LRCH2: variants seen among roughly 807,000 people sequenced by gnomAD.
LRCH2 encodes the protein leucine rich repeats and calponin homology domain containing 2, also known as leucine-rich repeat and calponin homology domain-containing protein 2.
A neutral mutation model predicts 68.9 loss-of-function variants in LRCH2; 38 were observed. The observed-to-expected ratio is 0.55, with a 90% CI of 0.43 to 0.72. The LOEUF (loss-of-function observed/expected upper bound fraction) is 0.72, where lower values mean the gene tolerates loss of function less well. Ranked by LOEUF, LRCH2 falls within the 30% of genes least tolerant of loss-of-function variation. The pLI, the probability that LRCH2 is intolerant of heterozygous loss-of-function variation, is 0.00. For missense variants in LRCH2, 528 were observed against 572.9 expected, an observed-to-expected ratio of 0.92 and a Z score of 0.80; for synonymous variants, 191 against 208.1, an observed-to-expected ratio of 0.92 and a Z score of 0.71.
intron 14 of LRCH2, 85 bp downstream of exon 14, chrX:115,149,742 C>G: frequency 1.9e-6 from 1 of 527,349 alleles, no homozygotes; most frequent in Non-Finnish European, 3.0e-6. Flanking sequence ...TAGAGAGTTA[C>G]AGTCTACCTT....
At chrX:115,168,305 C>A (rs782427614) in intron 6 of LRCH2, among the ~76,000 whole-genome samples, 1 of 111,549 alleles carries the variant, frequency 9.0e-6, no homozygotes, top group South Asian at 3.8e-4. Context: ...TCAATACAGG[C>A]TGTGAGTGAG....
Position 115,165,515 on chromosome X carries a change from T to C in LRCH2, c.1296+43A>G, listed in dbSNP as rs781866690. 20 of 1,078,651 alleles carry C rather than the reference T, an allele frequency of 1.9e-5. 1 individual carries two copies. In the Middle Eastern group the frequency reaches 1.1e-3, roughly 57 times the overall value. The allele number at this position is 1,078,651 out of a possible 1,213,427, so 88.9% of individuals were successfully genotyped here. A position where few individuals can be genotyped will look rare whatever the true frequency, so the allele number is the denominator to read the frequency against. On this transcript the variant is annotated intron_variant, in intron 9 of 20. Transcript: ENST00000317135. ...AATTGTATAGTCCACTTTTATAAGA[T>C]CAAGAGAACATGTTATTAATATTTG...
At chrX:115,231,770 T>C (rs1489793603) in intron 1 of LRCH2, among the ~76,000 whole-genome samples, 1 of 112,056 alleles carries the variant, frequency 8.9e-6, no homozygotes, top group Non-Finnish European at 1.9e-5. Context: ...AGGGGATATA[T>C]AATAAGAAGA....
intron 3 of LRCH2, among the ~76,000 whole-genome samples, chrX:115,183,443 C>T (rs1468962420): frequency 9.0e-6 from 1 of 111,453 alleles, no homozygotes; most frequent in Non-Finnish European, 1.9e-5. Flanking sequence ...ACCTGTAATG[C>T]CAGCACTTTG....
chrX:115,131,190 T>C (rs1198891595), intron 14 of LRCH2, among the ~76,000 whole-genome samples: 1 of 110,293 alleles, frequency 9.1e-6, no homozygotes, highest in Non-Finnish European at 1.9e-5. Flanking sequence ...ATGTGCCATG[T>C]TGGTGTGCTG....
intron 16 of LRCH2, among the ~76,000 whole-genome samples, chrX:115,125,631 A>G (rs782416011): frequency 9.2e-5 from 8 of 87,169 alleles, no homozygotes; most frequent in Admixed American, 1.4e-4. Flanking sequence ...ATATATATAC[A>G]TATATATACA....
intron 11 of LRCH2, among the ~76,000 whole-genome samples, chrX:115,157,025 G>A (rs1343792505): frequency 9.0e-6 from 1 of 111,375 alleles, no homozygotes; most frequent in Non-Finnish European, 1.9e-5. Flanking sequence ...TATGAGGTAT[G>A]TTTATGTAAT....
intron 14 of LRCH2, among the ~76,000 whole-genome samples, chrX:115,143,380 G>A (rs1364653074): frequency 1.8e-5 from 2 of 111,186 alleles, no homozygotes; most frequent in African/African-American, 6.5e-5. Context: ...GGAAACTCTA[G>A]AGGAGATGGA....
intron 1 of LRCH2, among the ~76,000 whole-genome samples, chrX:115,213,090 C>T (rs2073019371): frequency 1.8e-5 from 2 of 110,997 alleles, no homozygotes; most frequent in Non-Finnish European, 3.8e-5. Context: ...TGAGCCACTG[C>T]GTCCAGTCTG....
intron 14 of LRCH2, among the ~76,000 whole-genome samples, chrX:115,142,617 C>T (rs1221933493): frequency 1.8e-5 from 2 of 111,953 alleles, no homozygotes; most frequent in Non-Finnish European, 3.8e-5. Flanking sequence ...CGAAAAATTT[C>T]TTGAAACAAA....
intron 1 of LRCH2, among the ~76,000 whole-genome samples, chrX:115,208,822 C>A (rs2072987253): frequency 8.9e-6 from 1 of 111,901 alleles, no homozygotes; most frequent in Non-Finnish European, 1.9e-5. Context: ...TTACCATAGT[C>A]TCTCCTTTTA....
At chrX:115,175,247 C>T (rs782767107) in intron 5 of LRCH2, among the ~76,000 whole-genome samples, 5 of 111,193 alleles carry the variant, frequency 4.5e-5, no homozygotes, top group African/African-American at 1.6e-4. Flanking sequence ...TGTCTCTCAC[C>T]TCCTCATTCT....
At chrX:115,192,456 C>T (rs1274952455) in intron 1 of LRCH2, 4 of 1,168,876 alleles carry the variant, frequency 3.4e-6, no homozygotes, top group Admixed American at 2.6e-5. Flanking sequence ...GCAACAGTTA[C>T]GGCCGGAGCG....
At chrX:115,192,216 CG>C (rs1556560994) in intron 1 of LRCH2, 1 of 1,162,724 alleles carries the variant, frequency 8.6e-7, no homozygotes, top group African/African-American at 1.8e-5. Context: ...ATGCCTACGG[CG>C]GGGGCCGCGG....
intron 1 of LRCH2, among the ~76,000 whole-genome samples, chrX:115,233,441 T>G (rs1322232313): frequency 1.8e-5 from 2 of 111,706 alleles, no homozygotes; most frequent in Non-Finnish European, 3.8e-5. Flanking sequence ...TGGGGAAACT[T>G]GCTTTAACAA....
chrX:115,140,673 G>A (rs1603033801), intron 14 of LRCH2, among the ~76,000 whole-genome samples: 1 of 111,109 alleles, frequency 9.0e-6, no homozygotes, highest in Non-Finnish European at 1.9e-5. Flanking sequence ...GAGCCCTTGG[G>A]CTTTAACAGA....
At chrX:115,188,557 G>A (rs992974830) in intron 1 of LRCH2, among the ~76,000 whole-genome samples, 187 bp from the exon 2 acceptor site, 3 of 112,228 alleles carry the variant, frequency 2.7e-5, no homozygotes, top group Non-Finnish European at 5.6e-5. Flanking sequence ...ACGGCTGGGC[G>A]CGGTGGCTCA....
chrX:115,132,739 G>A (rs1453766821), intron 14 of LRCH2, among the ~76,000 whole-genome samples: 1 of 111,474 alleles, frequency 9.0e-6, no homozygotes, highest in Non-Finnish European at 1.9e-5. Context: ...AAATTGGCAC[G>A]TGTGAAAAAA....
At chrX:115,149,062 T>C (rs1393976956) in intron 14 of LRCH2, among the ~76,000 whole-genome samples, 3 of 111,679 alleles carry the variant, frequency 2.7e-5, no homozygotes, top group Non-Finnish European at 5.7e-5. Context: ...TATCATCTAA[T>C]AATAATTAGG....
Sources: gnomAD v4.1 joint callset for allele counts (sites outside exome capture counted in the v4.1 genomes callset) on GRCh38, gnomAD v4.1.1 for gene constraint, MANE v1.5 for transcripts, NCBI Gene and HGNC (gene_info 2026-07-23, HGNC 2026-07-21) for gene names.